Variants in SNORC observed in about 807,000 individuals in gnomAD.
SNORC encodes the protein secondary ossification center associated regulator of chondrocyte maturation.
A neutral mutation model predicts 9.7 loss-of-function variants in SNORC; 11 were observed. That is an observed-to-expected ratio of 1.14 (90% CI 0.72 to 1.88). SNORC has a LOEUF of 1.88. SNORC is among the 40% of genes most tolerant of loss of function. The probability of loss-of-function intolerance (pLI) is 0.00; values close to 1 mark genes in which losing one functional copy is unlikely to be tolerated. For synonymous variants in SNORC, 108 were observed against 88.7 expected, an observed-to-expected ratio of 1.22 and a Z score of -1.22; for missense variants, 197 against 173.1, an observed-to-expected ratio of 1.14 and a Z score of -0.77.
downstream of SNORC, chr2:232,877,216 C>T (rs921515558): frequency 1.0e-6 from 1 of 985,514 alleles, no homozygotes. Flanking sequence ...GGGCCGGCAG[C>T]CCCCACGCCC....
chr2:232,877,794 A>G (rs901246777), downstream of SNORC: 1 of 152,268 alleles, frequency 6.6e-6, no homozygotes, highest in African/African-American at 2.4e-5. Context: ...AAGGAGTGCT[A>G]TGAAACTGAC....
chr2:232,867,616 T>A (rs1690903318), upstream of SNORC, among the ~76,000 whole-genome samples: 1 of 152,236 alleles, frequency 6.6e-6, no homozygotes. Flanking sequence ...GATGGAATAG[T>A]GGAGCACGCA....
At chr2:232,877,269 T>C, downstream of SNORC, 4 of 985,464 alleles carry the variant, frequency 4.1e-6, no homozygotes, top group Non-Finnish European at 4.8e-6. Flanking sequence ...TTCCCAGCTC[T>C]ACTCACCTCA....
At chr2:232,872,573 G>C (rs1691068140) in intron 1 of SNORC, among the ~76,000 whole-genome samples, 1 of 152,148 alleles carries the variant, frequency 6.6e-6, no homozygotes, top group Non-Finnish European at 1.5e-5. Flanking sequence ...GTGGAGTCTG[G>C]GCCTCATTAC....
At chr2:232,877,402 G>A (rs1264114928), downstream of SNORC, 15 of 981,282 alleles carry the variant, frequency 1.5e-5, no homozygotes, top group Admixed American at 1.2e-4. Flanking sequence ...AGCACAGCAG[G>A]AAGTGGGAAC....
chr2:232,877,585 G>C (rs1014689253), downstream of SNORC: 4 of 158,410 alleles, frequency 2.5e-5, no homozygotes, highest in African/African-American at 9.6e-5. Flanking sequence ...AGCTGTTTTG[G>C]CCCCTTTGGT....
In SNORC at chr2:232,876,326, C is replaced by G; in HGVS notation, c.336C>G (p.Val112=). 1 of 1,546,206 alleles carries G rather than the reference C, an allele frequency of 6.5e-7. No individual in the cohort carries two copies. The highest frequency in any genetic ancestry group is 8.7e-7 in the Non-Finnish European group (1 of 1,149,882). Residue 112 remains valine, a synonymous_variant, in exon 3 of 3, where the codon GTC becomes GTG. Coordinates refer to ENST00000331342, the Ensembl canonical transcript of SNORC. This position sits in a 1 kb window ranked among gnomAD's most constrained non-coding sequence, Gnocchi z 6.8. ...CCTGCGTGGTGCTGGCGCTCGTGGT[C>G]GTCGCGCTGAGAAAGTTTTCTGCCT...
At chr2:232,875,761 T>G (rs1691205268) in intron 1 of SNORC, 179 bp from the exon 2 acceptor site, 3 of 664,856 alleles carry the variant, frequency 4.5e-6, no homozygotes, top group Non-Finnish European at 7.4e-6. Context: ...CCCTGCCCAA[T>G]GGGAGGCAGC....
chr2:232,876,902 G>T (rs1691276512), downstream of SNORC: 8 of 985,440 alleles, frequency 8.1e-6, no homozygotes, highest in Non-Finnish European at 8.4e-6. The surrounding 1 kb of genome is among the most constrained non-coding windows in gnomAD (Gnocchi z 6.8). Context: ...CTCCGCTGGG[G>T]TTCAGAGCGT....
chr2:232,869,445 G>T (rs557128021), upstream of SNORC, among the ~76,000 whole-genome samples: 157 of 152,196 alleles, frequency 1.0e-3, no homozygotes, highest in Non-Finnish European at 1.4e-3. Flanking sequence ...GGAAGTGAGG[G>T]AAAGAGACAC....
At chr2:232,870,213 C>G (rs1690969545), upstream of SNORC, 6 of 832,634 alleles carry the variant, frequency 7.2e-6, no homozygotes, top group Admixed American at 1.2e-4. Context: ...GCACGATGTC[C>G]CAGGAGGACA....
intron 1 of SNORC, 107 bp from the exon 2 acceptor site, chr2:232,875,833 G>C: frequency 5.1e-6 from 6 of 1,179,282 alleles, no homozygotes; most frequent in Non-Finnish European, 7.0e-6. Context: ...GCTGAGCCCA[G>C]ACCCCTCACA....
chr2:232,872,705 T>A (rs1033951957), intron 1 of SNORC, among the ~76,000 whole-genome samples: 2 of 152,068 alleles, frequency 1.3e-5, no homozygotes, highest in African/African-American at 4.8e-5. Context: ...ACACCTTCGC[T>A]CCTGCCCCAT....
chr2:232,875,649 G>T (rs908447507), intron 1 of SNORC: 1 of 528,332 alleles, frequency 1.9e-6, no homozygotes. Context: ...TGGTCCCTGG[G>T]TACCCCAAAT....
chr2:232,869,077 A>T (rs1239208866), upstream of SNORC: 1 of 152,198 alleles, frequency 6.6e-6, no homozygotes, highest in Admixed American at 6.5e-5. Context: ...AGTTATGGAT[A>T]TGGAGGCAAG....
downstream of SNORC, chr2:232,876,902 G>C (rs1691276512): frequency 1.0e-6 from 1 of 985,440 alleles, no homozygotes; most frequent in Non-Finnish European, 1.2e-6. This position sits in a 1 kb window ranked among gnomAD's most constrained non-coding sequence, Gnocchi z 6.8. Flanking sequence ...CTCCGCTGGG[G>C]TTCAGAGCGT....
chr2:232,876,305 C>T lies in SNORC; in HGVS notation c.315C>T (p.Cys105=). Residue 105 remains cysteine, a synonymous_variant, in exon 3 of 3, where the codon TGC becomes TGT. Coordinates refer to ENST00000331342, the Ensembl canonical transcript of SNORC. The surrounding 1 kb of genome is among the most constrained non-coding windows in gnomAD (Gnocchi z 6.8). ...TGATCGCCGCCCTGCTGGCCACCTGCGTGGTGCTGGCGCTCGTGGTCGTCG... is the reference window on the plus strand; with the variant it reads ...TGATCGCCGCCCTGCTGGCCACCTGTGTGGTGCTGGCGCTCGTGGTCGTCG... 1.3e-6 allele frequency: 2 copies of T among 1,537,118 alleles called. No individual in the cohort carries two copies. The highest frequency in any genetic ancestry group is 2.6e-5 in the East Asian group (1 of 38,638).
rs1340830331 is a variant in SNORC at position 232,876,211 on chromosome 2, G to T, written c.257-36G>T. The T allele has an allele frequency of 1.9e-5, 28 of 1,483,704 alleles. No individual in the cohort carries two copies. The highest frequency in any genetic ancestry group is 2.4e-5 in the Non-Finnish European group (27 of 1,123,776). 91.9% of individuals were successfully genotyped at this position (1,483,704 alleles called of 1,614,324 possible). On this transcript the variant is annotated intron_variant, in intron 2 of 2. Coordinates refer to ENST00000331342, the Ensembl canonical transcript of SNORC. This position sits in a 1 kb window ranked among gnomAD's most constrained non-coding sequence, Gnocchi z 6.8. ...GCGGGGAGAAGGGCCGGCCAGGCGGGGGCTAGCAGGTGACATGGTCCTCCG... is the reference window on the plus strand; with the variant it reads ...GCGGGGAGAAGGGCCGGCCAGGCGGTGGCTAGCAGGTGACATGGTCCTCCG...
At chr2:232,867,860 C>T (rs1296450790), upstream of SNORC, among the ~76,000 whole-genome samples, 1 of 152,220 alleles carries the variant, frequency 6.6e-6, no homozygotes, top group Non-Finnish European at 1.5e-5. Context: ...TCCTTTCCGC[C>T]AGTGCCCAGC....
Sources: gnomAD v4.1 joint callset for allele counts (sites outside exome capture counted in the v4.1 genomes callset) on GRCh38, gnomAD v4.1.1 for gene constraint, Gnocchi (gnomAD v3.1) non-coding constraint, MANE v1.5 for transcripts, NCBI Gene and HGNC (gene_info 2026-07-23, HGNC 2026-07-21) for gene names.